DGKB: variants seen among roughly 807,000 people sequenced by gnomAD.
DGKB encodes the protein diacylglycerol kinase beta, also known as 90 kDa diacylglycerol kinase.
DGKB carries 67 observed loss-of-function variants against 114.3 expected under a neutral mutation model. The observed-to-expected ratio is 0.59, with a 90% CI of 0.48 to 0.72. The LOEUF (loss-of-function observed/expected upper bound fraction) is 0.72. Ranked by LOEUF, DGKB falls within the 30% of genes least tolerant of loss-of-function variation. The pLI, the probability that DGKB is intolerant of heterozygous loss-of-function variation, is 0.00. For synonymous variants in DGKB, 398 were observed against 323.1 expected (o/e 1.23, Z -2.49); for missense variants, 907 against 975.2 (o/e 0.93, Z 0.93).
intron 1 of DGKB, among the ~76,000 whole-genome samples, chr7:14,887,411 T>A (rs1288188239): frequency 6.6e-6 from 1 of 151,772 alleles, no homozygotes; most frequent in Non-Finnish European, 1.5e-5. Flanking sequence ...CTACCTCTTC[T>A]CTATTGCAAA....
chr7:14,948,001 G>C (rs28454668), intron 1 of DGKB, among the ~76,000 whole-genome samples: 7,362 of 151,710 alleles, frequency 0.049, 541 homozygotes, highest in African/African-American at 0.16. Context: ...TGAAGCAACA[G>C]TTTACGTGGT....
intron 7 of DGKB, among the ~76,000 whole-genome samples, chr7:14,699,505 A>T (rs1194506103): frequency 6.6e-6 from 1 of 152,186 alleles, no homozygotes; most frequent in Non-Finnish European, 1.5e-5. Context: ...CAAAGGTTAA[A>T]CATGTTATTA....
chr7:14,170,146 AAAGAAAGAAAGAAAGAAAG>A lies in DGKB; in HGVS notation c.2304+6674_2304+6692del, dbSNP rs1203077315. ...AGAAACTCCATCTCAAAAAAAAAAA[AAAGAAAGAAAGAAAGAAAG>A]AAAGAAAGAAAGAAAGAAAGAAAGA... is the stretch of plus-strand genomic sequence containing the variant. On this transcript the variant is annotated intron_variant, in intron 25 of 25. Transcript: ENST00000402815. Among the ~76,000 whole-genome samples the A allele has an allele frequency of 1.4e-3, 37 of 25,884 alleles. 1 individual carries two copies. The highest frequency in any genetic ancestry group is 3.8e-3 in the East Asian group (5 of 1,332). 17.0% of individuals were successfully genotyped at this position (25,884 alleles called of 152,430 possible). A position where few individuals can be genotyped will look rare whatever the true frequency, so the allele number is the denominator to read the frequency against.
intron 1 of DGKB, among the ~76,000 whole-genome samples, chr7:14,933,153 C>G (rs753106873): frequency 6.6e-6 from 1 of 152,158 alleles, no homozygotes. Context: ...CACTAACTAC[C>G]AGAATTTCCC....
chr7:14,755,421 G>A (rs1834726520), intron 3 of DGKB, among the ~76,000 whole-genome samples: 1 of 152,106 alleles, frequency 6.6e-6, no homozygotes, highest in South Asian at 2.1e-4. Context: ...TACATTTTAT[G>A]TAAATGATAC....
chr7:14,312,630 A>C (rs1234867818), intron 23 of DGKB, among the ~76,000 whole-genome samples: 1 of 152,250 alleles, frequency 6.6e-6, no homozygotes, highest in Non-Finnish European at 1.5e-5. Context: ...ACTTGTTTAA[A>C]GAAAAACACT....
chr7:14,564,412 A>T (rs184862284), intron 20 of DGKB, among the ~76,000 whole-genome samples: 3 of 152,200 alleles, frequency 2.0e-5, no homozygotes, highest in Admixed American at 2.0e-4. Flanking sequence ...CTCCCTACCA[A>T]CTTAAATGAG....
chr7:14,307,511 T>C (rs1251232965), intron 23 of DGKB, among the ~76,000 whole-genome samples: 3 of 152,174 alleles, frequency 2.0e-5, no homozygotes, highest in Non-Finnish European at 2.9e-5. Flanking sequence ...CTGCTGTATA[T>C]GCATATAGGC....
chr7:14,910,849 A>T (rs1236170636), intron 1 of DGKB, among the ~76,000 whole-genome samples: 1 of 152,230 alleles, frequency 6.6e-6, no homozygotes, highest in Admixed American at 6.5e-5. Context: ...ATGTTTAATC[A>T]GTATAGAATA....
rs1296515654 is a variant in DGKB at position 14,317,494 on chromosome 7, GACAA to G, written c.2122+21017_2122+21020del. 3.9e-5 allele frequency among the ~76,000 whole-genome samples: 6 copies of G among 151,972 alleles called. No homozygotes were observed. The East Asian group carries it at 1.2e-3, about 30-fold the overall frequency. ...CAAGCATTCCTATACACCAACCACA[GACAA>G]ACAGAGAGCCAAATCATGAGTGAAC... is the stretch of plus-strand genomic sequence containing the variant. On this transcript the variant is annotated intron_variant, in intron 23 of 25. Coordinates refer to ENST00000402815, the MANE Select transcript of DGKB (RefSeq NM_001350709.2).
At chr7:14,241,212 A>T (rs566569069) in intron 23 of DGKB, among the ~76,000 whole-genome samples, 1 of 152,162 alleles carries the variant, frequency 6.6e-6, no homozygotes, top group Non-Finnish European at 1.5e-5. Flanking sequence ...TATATACTGT[A>T]TATAAGACAA....
intron 13 of DGKB, among the ~76,000 whole-genome samples, chr7:14,633,863 C>A (rs1266360903): frequency 6.6e-6 from 1 of 151,596 alleles, no homozygotes; most frequent in Non-Finnish European, 1.5e-5. Flanking sequence ...TCAGGGCACT[C>A]ATTAAGTTCA....
At chr7:14,860,857 T>A (rs7797226) in intron 1 of DGKB, among the ~76,000 whole-genome samples, 1 of 151,648 alleles carries the variant, frequency 6.6e-6, no homozygotes, top group African/African-American at 2.4e-5. Context: ...CCTAGAAAAT[T>A]TATAGATTTT....
intron 2 of DGKB, among the ~76,000 whole-genome samples, chr7:14,773,024 G>C (rs924711000): frequency 6.6e-6 from 1 of 152,186 alleles, no homozygotes; most frequent in Admixed American, 6.5e-5. Flanking sequence ...ATGTTGCTTT[G>C]TTAAGAGTTA....
intron 12 of DGKB, among the ~76,000 whole-genome samples, chr7:14,681,423 ATG>A (rs569233009): frequency 6.6e-6 from 1 of 151,462 alleles, no homozygotes; most frequent in African/African-American, 2.4e-5. Flanking sequence ...ATGAGTGTGC[ATG>A]TGTGTGTGAG....
At chr7:14,922,846 TC>T (rs35854121) in intron 1 of DGKB, among the ~76,000 whole-genome samples, 19,507 of 152,214 alleles carry the variant, frequency 0.13, 1,573 homozygotes, top group Non-Finnish European at 0.19. Context: ...CACCAACTCA[TC>T]CTTTTTTCTG....
At chr7:14,839,402 TTC>T (rs1847599678) in intron 2 of DGKB, among the ~76,000 whole-genome samples, 2 of 150,960 alleles carry the variant, frequency 1.3e-5, no homozygotes, top group African/African-American at 2.4e-5. Context: ...TTTACTCTTC[TTC>T]TTCTTTTTTT....
At chr7:14,327,669 T>C (rs760556889) in intron 23 of DGKB, among the ~76,000 whole-genome samples, 1 of 152,044 alleles carries the variant, frequency 6.6e-6, no homozygotes, top group Non-Finnish European at 1.5e-5. Flanking sequence ...TTAGACTGAG[T>C]AAAAGATGCA....
intron 20 of DGKB, among the ~76,000 whole-genome samples, chr7:14,492,743 C>A (rs1563315083): frequency 6.6e-6 from 1 of 151,960 alleles, no homozygotes; most frequent in African/African-American, 2.4e-5. Context: ...TGGTTCACCT[C>A]AAAAATAATA....
Sources: gnomAD v4.1 joint callset for allele counts (sites outside exome capture counted in the v4.1 genomes callset) on GRCh38, gnomAD v4.1.1 for gene constraint, MANE v1.5 for transcripts, NCBI Gene and HGNC (gene_info 2026-07-23, HGNC 2026-07-21) for gene names.